Variants in ANO1 observed in about 807,000 individuals in gnomAD.
ANO1 encodes anoctamin-1.
A neutral mutation model predicts 124.0 loss-of-function variants in ANO1; 59 were observed. The observed-to-expected ratio is 0.48, with a 90% CI of 0.39 to 0.59. The LOEUF (loss-of-function observed/expected upper bound fraction) is 0.59. ANO1 is among the 20% of genes least tolerant of loss of function. The pLI, the probability that ANO1 is intolerant of heterozygous loss-of-function variation, is 0.00. For synonymous variants in ANO1, 529 were observed against 532.0 expected, an observed-to-expected ratio of 0.99 and a Z score of 0.08; for missense variants, 1,059 against 1,328.0, an observed-to-expected ratio of 0.80 and a Z score of 3.15.
chr11:70,155,518 T>A (rs1308049977), intron 14 of ANO1, among the ~76,000 whole-genome samples: 12 of 152,184 alleles, frequency 7.9e-5, no homozygotes. Flanking sequence ...ACCCACCACC[T>A]AATTGGCGGA....
chr11:70,155,841 G>A (rs1475018356), intron 14 of ANO1, 70 bp from the exon 15 acceptor site: 4 of 1,393,380 alleles, frequency 2.9e-6, no homozygotes, highest in Non-Finnish European at 3.8e-6. Flanking sequence ...ACGGTTCCCT[G>A]GGCCCCGCGG....
chr11:70,183,275 A>G (rs2048997225), intron 24 of ANO1, among the ~76,000 whole-genome samples: 2 of 152,184 alleles, frequency 1.3e-5, no homozygotes, highest in Non-Finnish European at 2.9e-5. Context: ...TCTGTGTTGC[A>G]TTGTTCTCTT....
chr11:70,108,264 A>T, intron 5 of ANO1, 89 bp from the exon 6 acceptor site: 1 of 1,342,286 alleles, frequency 7.4e-7, no homozygotes, highest in Non-Finnish European at 1.1e-6. Context: ...GTAACGTGTG[A>T]CCAGGTCCTC....
the ANO1 span, among the ~76,000 whole-genome samples, chr11:69,974,244 GGGAAGCAGA>G: frequency 6.6e-6 from 1 of 151,974 alleles, no homozygotes; most frequent in South Asian, 2.1e-4. Context: ...GCTTGAACCT[GGGAAGCAGA>G]GGAAGCAGAG....
chr11:70,117,869 G>A (rs1032551521), intron 8 of ANO1, among the ~76,000 whole-genome samples: 4 of 152,090 alleles, frequency 2.6e-5, no homozygotes, highest in Admixed American at 6.6e-5. Context: ...CAACTTGCCC[G>A]CCTGGGAATC....
Position 70,088,152 on chromosome 11 carries a change from C to T in ANO1, c.441+68C>T, listed in dbSNP as rs111840361. The T allele has an allele frequency of 9.8e-4, 767 of 784,382 alleles. 4 individuals are homozygous for T. Among genetic ancestry groups the T allele is most frequent in the Admixed American group, 2.3e-3 (63 of 26,954 alleles). 48.6% of individuals were successfully genotyped at this position (784,382 alleles called of 1,614,324 possible). A position where few individuals can be genotyped will look rare whatever the true frequency, so the allele number is the denominator to read the frequency against. On this transcript the variant is annotated intron_variant, in intron 2 of 25. Coordinates refer to ENST00000355303, the MANE Select transcript of ANO1 (RefSeq NM_018043.7). ...GGCTGCGTGGGGGGCAGTAGGGGGGCAGCTGCTTCCATAGTCAGAGGGTGC... is the reference window on the plus strand; with the variant it reads ...GGCTGCGTGGGGGGCAGTAGGGGGGTAGCTGCTTCCATAGTCAGAGGGTGC...
At chr11:70,052,506 T>C (rs533154814) in intron 1 of ANO1, among the ~76,000 whole-genome samples, 1 of 144,558 alleles carries the variant, frequency 6.9e-6, no homozygotes, top group Admixed American at 7.2e-5. Flanking sequence ...TCAAGACCAA[T>C]TTGGGGAGAA....
chr11:70,025,534 T>C (rs528714092), intron 1 of ANO1, among the ~76,000 whole-genome samples: 14 of 151,958 alleles, frequency 9.2e-5, no homozygotes, highest in African/African-American at 3.4e-4. Flanking sequence ...ATGATGACAG[T>C]AATGATAGTG....
At chr11:70,105,336 G>A (rs529133033) in intron 4 of ANO1, among the ~76,000 whole-genome samples, 1 of 152,350 alleles carries the variant, frequency 6.6e-6, no homozygotes, top group South Asian at 2.1e-4. Flanking sequence ...TTGTTTTCAA[G>A]GTTGGAGCTG....
chr11:70,027,602 G>C (rs547739625), intron 1 of ANO1, among the ~76,000 whole-genome samples: 1 of 152,222 alleles, frequency 6.6e-6, no homozygotes, highest in Non-Finnish European at 1.5e-5. Flanking sequence ...CCAGCATGTG[G>C]AACAGGATCT....
intron 1 of ANO1, among the ~76,000 whole-genome samples, chr11:69,987,220 G>A (rs1038636041): frequency 6.6e-6 from 1 of 152,128 alleles, no homozygotes; most frequent in African/African-American, 2.4e-5. Context: ...GGGCCACCAG[G>A]GCCTACTCTT....
intron 22 of ANO1, among the ~76,000 whole-genome samples, chr11:70,173,918 A>G (rs2048573095): frequency 6.6e-6 from 1 of 150,702 alleles, no homozygotes; most frequent in Non-Finnish European, 1.5e-5. Flanking sequence ...GGGCATGCAA[A>G]TTTTTGTTGT....
At chr11:70,095,433 AAAG>A (rs1320945364) in intron 2 of ANO1, among the ~76,000 whole-genome samples, 1 of 144,858 alleles carries the variant, frequency 6.9e-6, no homozygotes, top group South Asian at 2.3e-4. Context: ...AAAGAAAAGA[AAAG>A]AAAGAAAGAG....
At chr11:70,036,030 G>T (rs953611741) in intron 1 of ANO1, among the ~76,000 whole-genome samples, 1 of 152,104 alleles carries the variant, frequency 6.6e-6, no homozygotes. Context: ...CATCCTTTGG[G>T]TATATACCCA....
intron 1 of ANO1, among the ~76,000 whole-genome samples, chr11:70,040,648 C>T (rs1857168687): frequency 6.6e-6 from 1 of 152,178 alleles, no homozygotes; most frequent in African/African-American, 2.4e-5. Context: ...GCACTCCACC[C>T]TGGGTGACAG....
intron 8 of ANO1, 80 bp from the exon 9 acceptor site, chr11:70,124,270 C>T (rs2046400338): frequency 2.3e-6 from 3 of 1,323,506 alleles, no homozygotes; most frequent in Non-Finnish European, 3.3e-6. Flanking sequence ...CACGGAGGCT[C>T]AGTCCCCGCA....
At chr11:70,144,580 G>A (rs2047282652) in intron 11 of ANO1, among the ~76,000 whole-genome samples, 1 of 152,236 alleles carries the variant, frequency 6.6e-6, no homozygotes, top group South Asian at 2.1e-4. Flanking sequence ...ACTCTGTGCT[G>A]TGAAAATCAA....
chr11:70,139,529 G>A (rs1225136888), intron 11 of ANO1, among the ~76,000 whole-genome samples: 1 of 152,072 alleles, frequency 6.6e-6, no homozygotes, highest in African/African-American at 2.4e-5. Context: ...TCACCATGTT[G>A]GCCAGGCTGG....
intron 15 of ANO1, 82 bp from the exon 16 acceptor site, chr11:70,156,865 A>G: frequency 7.9e-7 from 1 of 1,261,044 alleles, no homozygotes; most frequent in Non-Finnish European, 1.1e-6. Flanking sequence ...CCATGCACGC[A>G]CGCACATGCA....
Sources: allele counts gnomAD v4.1 joint callset (sites outside exome capture counted in the v4.1 genomes callset), GRCh38; gene constraint gnomAD v4.1.1; transcripts MANE v1.5; gene names NCBI Gene and HGNC (gene_info 2026-07-23, HGNC 2026-07-21).